ZNF667: variants seen among roughly 807,000 people sequenced by gnomAD.
ZNF667 encodes myocardial ischemic preconditioning upregulated 1 ortholog.
In ZNF667, 13 loss-of-function variants were observed where a neutral mutation model predicts 31.8. The observed-to-expected ratio is 0.41, with a 90% CI of 0.27 to 0.65. The LOEUF is 0.65. ZNF667 is among the 30% of genes least tolerant of loss of function. The pLI, the probability that ZNF667 is intolerant of heterozygous loss-of-function variation, is 0.32. For missense variants in ZNF667, 642 were observed against 725.6 expected, an observed-to-expected ratio of 0.88 and a Z score of 1.32; for synonymous variants, 228 against 247.1, an observed-to-expected ratio of 0.92 and a Z score of 0.73.
In ZNF667 at chr19:56,441,203, G is replaced by A. The variant is rs140773644; in HGVS notation, c.1792C>T (p.Leu598=). ...GAATGTGTATTCTGATGTCGAATCA[G>A]GGATGAACTCCGACTATATGCCTTC... The part of the protein sequence containing the change: ...CGKAYSRSSS[L]IRHQNTHSEE... Residue 598 remains leucine (L), a synonymous_variant, in exon 7 of 7, where the codon CTG becomes TTG. Coordinates refer to ENST00000504904, the MANE Select transcript of ZNF667 (RefSeq NM_001321356.2). The surrounding 1 kb of genome is among the most constrained non-coding windows in gnomAD (Gnocchi z 4.2). 1.7e-5 allele frequency: 27 copies of A among 1,613,414 alleles called. No individual in the cohort carries two copies. Among genetic ancestry groups the A allele is most frequent in the Non-Finnish European group, 2.2e-5 (26 of 1,179,536 alleles).
At chr19:56,467,011 A>G (rs1243355413) in intron 3 of ZNF667, 1 of 456,566 alleles carries the variant, frequency 2.2e-6, no homozygotes, top group Admixed American at 2.3e-5. Context: ...CCTGTGCAAG[A>G]TCCAAGAACC....
chr19:56,459,083 G>A (rs1568447165), intron 5 of ZNF667, among the ~76,000 whole-genome samples: 1 of 152,136 alleles, frequency 6.6e-6, no homozygotes, highest in Non-Finnish European at 1.5e-5. Flanking sequence ...ACACCCAGCT[G>A]GAGTGTGCTA....
chr19:56,450,803 TTTAAA>T (rs1288462027), intron 6 of ZNF667, among the ~76,000 whole-genome samples: 4 of 152,184 alleles, frequency 2.6e-5, no homozygotes, highest in Admixed American at 2.6e-4. Context: ...TTGTCATCAG[TTTAAA>T]TTAATGGGTT....
At chr19:56,477,777 T>C (rs369948737), upstream of ZNF667, 1 of 152,360 alleles carries the variant, frequency 6.6e-6, no homozygotes. Context: ...CCAGCGTCCT[T>C]CGCCCCCACA....
intron 6 of ZNF667, among the ~76,000 whole-genome samples, chr19:56,451,895 A>C (rs1600416418): frequency 7.4e-6 from 1 of 135,288 alleles, no homozygotes; most frequent in East Asian, 2.0e-4. Context: ...AAAAAAAAAA[A>C]AAAACTTTCA....
intron 6 of ZNF667, among the ~76,000 whole-genome samples, chr19:56,448,640 A>G (rs2042755964): frequency 1.7e-5 from 1 of 57,572 alleles, no homozygotes; most frequent in Non-Finnish European, 5.2e-5. Context: ...AACCACAGTA[A>G]AAAAAAAAAA....
At chr19:56,457,193 T>C (rs2042950721) in intron 6 of ZNF667, among the ~76,000 whole-genome samples, 1 of 152,170 alleles carries the variant, frequency 6.6e-6, no homozygotes, top group Non-Finnish European at 1.5e-5. Context: ...CCTTGAAAAG[T>C]AGCTGAAAAG....
intron 1 of ZNF667, among the ~76,000 whole-genome samples, chr19:56,476,533 C>A (rs1023559375): frequency 1.3e-5 from 2 of 152,166 alleles, no homozygotes; most frequent in Non-Finnish European, 2.9e-5. Flanking sequence ...AAGCTCTGTG[C>A]AGGGTGTTTC....
At chr19:56,452,584 TAGTA>T (rs1012577270) in intron 6 of ZNF667, among the ~76,000 whole-genome samples, 1 of 150,772 alleles carries the variant, frequency 6.6e-6, no homozygotes, top group Non-Finnish European at 1.5e-5. Context: ...AAAAAAGAAA[TAGTA>T]AGGATCAGAG....
intron 3 of ZNF667, among the ~76,000 whole-genome samples, chr19:56,470,321 T>C (rs1418006780): frequency 1.3e-5 from 2 of 152,234 alleles, no homozygotes; most frequent in Non-Finnish European, 2.9e-5. Flanking sequence ...TGCTCAGGTG[T>C]GTGTGCTGAA....
chr19:56,450,487 G>C (rs1002059433), intron 6 of ZNF667, among the ~76,000 whole-genome samples: 13 of 152,222 alleles, frequency 8.5e-5, no homozygotes, highest in African/African-American at 3.1e-4. Context: ...TCATCAGTCT[G>C]AAAGAAAAGG....
intron 3 of ZNF667, among the ~76,000 whole-genome samples, chr19:56,464,040 T>G (rs2043108002): frequency 6.6e-6 from 1 of 152,164 alleles, no homozygotes; most frequent in Non-Finnish European, 1.5e-5. Context: ...AGATCAGGTA[T>G]CTCCACTGAA....
At chr19:56,476,158 C>T (rs1374699967) in intron 1 of ZNF667, among the ~76,000 whole-genome samples, 1 of 152,154 alleles carries the variant, frequency 6.6e-6, no homozygotes, top group African/African-American at 2.4e-5. Context: ...GTCACACAGC[C>T]AGCCAGTGGT....
At chr19:56,444,039 T>A (rs2042671611) in intron 6 of ZNF667, 1 of 388,550 alleles carries the variant, frequency 2.6e-6, no homozygotes, top group Non-Finnish European at 4.5e-6. Flanking sequence ...TACAAAAAAG[T>A]ATAAAGTATC....
intron 5 of ZNF667, among the ~76,000 whole-genome samples, chr19:56,459,401 C>T (rs981912047): frequency 6.6e-6 from 1 of 152,102 alleles, no homozygotes; most frequent in Non-Finnish European, 1.5e-5. Context: ...TGTCAACATC[C>T]ACCAATAGGG....
chr19:56,442,876 A>T, intron 6 of ZNF667, 135 bp from the exon 7 acceptor site: 1 of 1,252,254 alleles, frequency 8.0e-7, no homozygotes, highest in South Asian at 2.0e-5. Context: ...TTAGTGTTTT[A>T]TTGTGGTTTT....
intron 3 of ZNF667, among the ~76,000 whole-genome samples, chr19:56,463,720 T>A (rs535778596): frequency 1.1e-4 from 16 of 151,840 alleles, no homozygotes; most frequent in Non-Finnish European, 2.4e-4. Context: ...GAGACAGAGT[T>A]TTGCCATGTT....
chr19:56,450,626 G>A (rs2042802753), intron 6 of ZNF667, among the ~76,000 whole-genome samples: 1 of 152,142 alleles, frequency 6.6e-6, no homozygotes, highest in African/African-American at 2.4e-5. Flanking sequence ...TAAGTAGGAA[G>A]ACTAAAAGAC....
intron 6 of ZNF667, chr19:56,444,026 T>C (rs2042671328): frequency 5.2e-6 from 2 of 384,094 alleles, no homozygotes; most frequent in Admixed American, 9.0e-5. Context: ...TGTGAAAATT[T>C]ACTACAAAAA....
Sources: gnomAD v4.1 joint callset for allele counts (sites outside exome capture counted in the v4.1 genomes callset) on GRCh38, gnomAD v4.1.1 for gene constraint, Gnocchi (gnomAD v3.1) non-coding constraint, MANE v1.5 for transcripts, NCBI Gene and HGNC (gene_info 2026-07-23, HGNC 2026-07-21) for gene names.